The following ZNF469 variants were observed in gnomAD, a reference collection of about 807,000 sequenced individuals.
ZNF469 encodes zinc finger protein 469.
ZNF469 carries 1 observed loss-of-function variant against 1.0 expected under a neutral mutation model. That is an observed-to-expected ratio of 1.00 (90% confidence interval 0.35 to 4.73). The LOEUF (loss-of-function observed/expected upper bound fraction) is 4.73, where lower values mean the gene tolerates loss of function less well. Ranked by LOEUF, ZNF469 falls within the 30% of genes most tolerant of loss-of-function variation. The pLI, the probability that ZNF469 is intolerant of heterozygous loss-of-function variation, is 0.16. For missense variants in ZNF469, 6,100 were observed against 5,356.3 expected (o/e 1.14, Z -4.33); for synonymous variants, 2,703 against 2,363.4 (o/e 1.14, Z -4.17).
At chr16:88,117,668 G>GAGGTGCCACGTGTCTTCACAGACCGTGC in the ZNF469 span, among the ~76,000 whole-genome samples, 4 of 151,194 alleles carry the variant, frequency 2.6e-5, no homozygotes, top group East Asian at 7.8e-4. Flanking sequence ...ACAAACCGTG[G>GAGGTGCCACGTGTCTTCACAGACCGTGC]AGGTGCCACG....
At position 88,435,838 on chromosome 16, in the gene ZNF469, T is replaced by G. The variant is rs1213084755; in HGVS notation, c.8368T>G (p.Trp2790Gly). Residue 2790 changes from tryptophan (W) to glycine (G), a missense_variant, in exon 3 of 3, where the codon TGG (tryptophan) becomes GGG (glycine). Physicochemically the swap from Trp to Gly is radical, Grantham distance 184. Coordinates refer to ENST00000565624, the MANE Select transcript of ZNF469 (RefSeq NM_001367624.2). Reference sequence around the variant, plus strand: ...CCACAGCCGATCAGAGGAAGGTGTCTGGGAGGAGAACACGCCCCCCTTGGG... The same window carrying G: ...CCACAGCCGATCAGAGGAAGGTGTCGGGGAGGAGAACACGCCCCCCTTGGG... ...RAHSRSEEGV[W>G]EENTPPLGPL... 1.3e-6 allele frequency: 2 copies of G among 1,550,484 alleles called. No individual in the cohort carries two copies. The highest frequency in any genetic ancestry group is 1.2e-5 in the South Asian group (1 of 84,060).
chr16:88,168,421 C>T, the ZNF469 span, among the ~76,000 whole-genome samples: 1 of 152,172 alleles, frequency 6.6e-6, no homozygotes, highest in Non-Finnish European at 1.5e-5. This position sits in a 1 kb window ranked among gnomAD's most constrained non-coding sequence, Gnocchi z 4.3. Context: ...GTCACCTGCC[C>T]GCTGTGGGCC....
chr16:88,388,694 G>A (rs558162294), intron 1 of ZNF469, among the ~76,000 whole-genome samples: 2 of 152,348 alleles, frequency 1.3e-5, no homozygotes, highest in African/African-American at 4.8e-5. Context: ...ATCTGTAGAA[G>A]CCGGAGAGCC....
chr16:88,267,454 C>T, the ZNF469 span, among the ~76,000 whole-genome samples: 1 of 152,190 alleles, frequency 6.6e-6, no homozygotes, highest in Non-Finnish European at 1.5e-5. Flanking sequence ...AGGAGGGGTC[C>T]GGGGGCCAGC....
the ZNF469 span, among the ~76,000 whole-genome samples, chr16:88,183,195 G>T: frequency 6.6e-6 from 1 of 152,234 alleles, no homozygotes; most frequent in African/African-American, 2.4e-5. Flanking sequence ...AATGCCGCGC[G>T]CCTGGAGTCG....
chr16:88,370,183 T>C, the ZNF469 span, among the ~76,000 whole-genome samples: 1 of 152,232 alleles, frequency 6.6e-6, no homozygotes, highest in Non-Finnish European at 1.5e-5. Context: ...ACGTCTCTTA[T>C]AACCAGCTTT....
chr16:88,357,374 T>A, the ZNF469 span, among the ~76,000 whole-genome samples: 4 of 152,174 alleles, frequency 2.6e-5, no homozygotes, highest in African/African-American at 9.7e-5. Context: ...CCTGCAGATA[T>A]CCAGTCCTCG....
chr16:88,156,906 CTG>C, the ZNF469 span, among the ~76,000 whole-genome samples: 4 of 152,148 alleles, frequency 2.6e-5, no homozygotes, highest in African/African-American at 9.7e-5. Context: ...AATAATTACT[CTG>C]TCTTTTCACA....
the ZNF469 span, among the ~76,000 whole-genome samples, chr16:88,346,413 C>T: frequency 6.6e-6 from 1 of 152,284 alleles, no homozygotes; most frequent in Non-Finnish European, 1.5e-5. Flanking sequence ...CCCGGAGCCC[C>T]TCCCTCCCAG....
chr16:88,331,230 ATCACCACC>A, the ZNF469 span, among the ~76,000 whole-genome samples: 1 of 124,656 alleles, frequency 8.0e-6, no homozygotes, highest in Non-Finnish European at 1.9e-5. Flanking sequence ...CACCACCACC[ATCACCACC>A]ATCACCATCG....
chr16:88,271,513 T>C, the ZNF469 span, among the ~76,000 whole-genome samples: 8 of 140,824 alleles, frequency 5.7e-5, no homozygotes, highest in Non-Finnish European at 9.6e-5. Context: ...TAGGACGGCA[T>C]GTGTGGCACG....
In ZNF469 at chr16:88,430,555, C is replaced by T; in HGVS notation, c.3085C>T (p.Arg1029Trp). The change falls in exon 3 of 3, where the codon CGG (arginine) becomes TGG (tryptophan). Residue 1029 changes from arginine to tryptophan, a missense_variant. By Grantham distance (101) the Arg-to-Trp change is moderately radical. Coordinates refer to ENST00000565624, the MANE Select transcript of ZNF469 (RefSeq NM_001367624.2). ...GGAGACCCGCAGCTCCCGGCGCCGC[C>T]GGCTGCCCCCCAGGAAGGACCCCAG... ...PEETRSSRRR[R>W]LPPRKDPRKR... is the part of the protein sequence containing the mutation. The T allele has an allele frequency of 1.4e-6, 2 of 1,471,934 alleles. No individual in the cohort carries two copies. Among genetic ancestry groups the T allele is most frequent in the Non-Finnish European group, 1.8e-6 (2 of 1,118,616 alleles). The allele number at this position is 1,471,934 out of a possible 1,614,324, so 91.2% of individuals were successfully genotyped here.
At chr16:88,119,793 C>G in the ZNF469 span, among the ~76,000 whole-genome samples, 2 of 152,180 alleles carry the variant, frequency 1.3e-5, no homozygotes, top group East Asian at 3.8e-4. Context: ...CTCCCTGAAG[C>G]CTGGTCTTGG....
intron 1 of ZNF469, among the ~76,000 whole-genome samples, chr16:88,394,470 C>T (rs913638910): frequency 2.0e-5 from 3 of 152,232 alleles, no homozygotes; most frequent in African/African-American, 4.8e-5. Flanking sequence ...AAAAATTATC[C>T]GTGAAGCATT....
the ZNF469 span, among the ~76,000 whole-genome samples, chr16:88,363,941 C>T: frequency 2.6e-5 from 4 of 152,208 alleles, no homozygotes; most frequent in Admixed American, 1.3e-4. Context: ...GTTTGCATCT[C>T]ACTCTCTAAT....
upstream of ZNF469, among the ~76,000 whole-genome samples, chr16:88,379,821 G>T (rs1372753550): frequency 1.3e-5 from 2 of 152,160 alleles, no homozygotes; most frequent in African/African-American, 4.8e-5. Context: ...GCCTTGGCCA[G>T]GTTGCTAGTC....
In ZNF469 at chr16:88,430,436, G is replaced by A. The variant is rs1906069211; in HGVS notation, c.2966G>A (p.Arg989Gln). 3 of 1,516,064 alleles carry A rather than the reference G, an allele frequency of 2.0e-6. No homozygotes were observed. The highest frequency in any genetic ancestry group is 1.4e-5 in the African/African-American group (1 of 72,042). 93.9% of individuals were successfully genotyped at this position (1,516,064 alleles called of 1,614,324 possible). ...CGGAGGAACGACGGTCTCGGGGAGC[G>A]GCCCCCACCCCGTCCCCGGCGCCCT... ...RPRRNDGLGE[R>Q]PPPRPRRPRT... is the part of the protein sequence containing the mutation. The change falls in exon 3 of 3, where the codon CGG (arginine) becomes CAG (glutamine). Residue 989 changes from arginine (R) to glutamine (Q), a missense_variant. By Grantham distance (43) the Arg-to-Gln change is conservative (BLOSUM62 1). Coordinates refer to ENST00000565624, the MANE Select transcript of ZNF469 (RefSeq NM_001367624.2).
the ZNF469 span, among the ~76,000 whole-genome samples, chr16:88,359,052 G>A: frequency 6.6e-6 from 1 of 152,196 alleles, no homozygotes; most frequent in South Asian, 2.1e-4. Flanking sequence ...CCGAGTCGTT[G>A]GCTGTGCAGA....
the ZNF469 span, among the ~76,000 whole-genome samples, chr16:88,121,770 G>A: frequency 6.6e-6 from 1 of 152,198 alleles, no homozygotes; most frequent in Non-Finnish European, 1.5e-5. Flanking sequence ...ATATAACTGT[G>A]CAAATACTCG....
Sources: allele counts gnomAD v4.1 joint callset (sites outside exome capture counted in the v4.1 genomes callset), GRCh38; gene constraint gnomAD v4.1.1; non-coding constraint Gnocchi (gnomAD v3.1); transcripts MANE v1.5; gene names NCBI Gene and HGNC (gene_info 2026-07-23, HGNC 2026-07-21).